Variants in DIS3L2 observed in about 807,000 individuals in gnomAD.
DIS3L2 encodes DIS3-like exonuclease 2.
A neutral mutation model predicts 97.5 loss-of-function variants in DIS3L2; 34 were observed. The ratio of observed to expected loss-of-function variants is 0.35; its 90% confidence interval spans 0.27 to 0.46. The LOEUF is 0.46. Ranked by LOEUF, DIS3L2 falls within the 20% of genes least tolerant of loss-of-function variation. The probability of loss-of-function intolerance (pLI) is 1.00; values close to 1 mark genes in which losing one functional copy is unlikely to be tolerated. For missense variants in DIS3L2, 1,038 were observed against 1,146.0 expected, an observed-to-expected ratio of 0.91 and a Z score of 1.36; for synonymous variants, 435 against 445.2, an observed-to-expected ratio of 0.98 and a Z score of 0.29.
chr2:232,275,811 C>G lies in DIS3L2; in HGVS notation c.1659+12371C>G, dbSNP rs186019819. Among the ~76,000 whole-genome samples the G allele has an allele frequency of 3.9e-5, 6 of 152,296 alleles. No individual in the cohort carries two copies. In the East Asian group the frequency reaches 1.2e-3, roughly 29 times the overall value. Reference sequence around the variant, plus strand: ...TGGTCACAGCACTCAGAGTGGCTTACTGTCTCCTGGAAGACGTAGAGGCAG... The same window carrying G: ...TGGTCACAGCACTCAGAGTGGCTTAGTGTCTCCTGGAAGACGTAGAGGCAG... On this transcript the variant is annotated intron_variant, in intron 13 of 20. Coordinates refer to ENST00000325385, the MANE Select transcript of DIS3L2 (RefSeq NM_152383.5).
chr2:232,060,316 A>G (rs1031573920), intron 5 of DIS3L2, among the ~76,000 whole-genome samples: 9 of 152,038 alleles, frequency 5.9e-5, no homozygotes, highest in Non-Finnish European at 1.3e-4. Flanking sequence ...GCCCACTCCA[A>G]TGTCTTGGAG....
chr2:232,205,945 T>C (rs1357711547), intron 9 of DIS3L2, among the ~76,000 whole-genome samples: 1 of 152,172 alleles, frequency 6.6e-6, no homozygotes, highest in Admixed American at 6.5e-5. Flanking sequence ...GGATACTACA[T>C]GGTCAAATGG....
chr2:232,135,531 T>C (rs1698331779), intron 7 of DIS3L2, among the ~76,000 whole-genome samples: 2 of 152,152 alleles, frequency 1.3e-5, no homozygotes. Context: ...AATAGCTGTT[T>C]TTCAGGGAAG....
chr2:232,165,029 A>T (rs748705389), intron 9 of DIS3L2, among the ~76,000 whole-genome samples: 10 of 152,226 alleles, frequency 6.6e-5, no homozygotes, highest in Non-Finnish European at 1.5e-4. Context: ...GTATCTATCA[A>T]CATTTTAAAT....
At chr2:232,310,242 G>A (rs192617370) in intron 14 of DIS3L2, among the ~76,000 whole-genome samples, 1 of 152,208 alleles carries the variant, frequency 6.6e-6, no homozygotes, top group Non-Finnish European at 1.5e-5. Flanking sequence ...AATCAAGAGA[G>A]AGGAGGGGCT....
intron 14 of DIS3L2, among the ~76,000 whole-genome samples, chr2:232,304,914 A>G (rs1054154974): frequency 7.2e-5 from 11 of 152,104 alleles, no homozygotes; most frequent in Non-Finnish European, 2.9e-5. Context: ...ACTTGTTAGA[A>G]ACCATCTTAT....
chr2:232,061,647 C>T lies in DIS3L2; in HGVS notation c.367-25840C>T, dbSNP rs185443572. On this transcript the variant is annotated intron_variant, in intron 5 of 20. Transcript: ENST00000325385. ...TTATATGTGGCAGCCAGTCTAGCCT[C>T]AGAGTTGGCAATACCTTCCTCTATT... Among the ~76,000 whole-genome samples, 512 of 152,310 alleles carry T rather than the reference C, an allele frequency of 3.4e-3. 1 individual carries two copies. The highest frequency in any genetic ancestry group is 5.0e-3 in the Non-Finnish European group (342 of 68,028).
chr2:232,332,802 G>GT (rs1695779423), intron 16 of DIS3L2, among the ~76,000 whole-genome samples: 1 of 152,230 alleles, frequency 6.6e-6, no homozygotes, highest in African/African-American at 2.4e-5. Context: ...GAGCACAGAG[G>GT]TGCCCGGGTG....
intron 5 of DIS3L2, among the ~76,000 whole-genome samples, chr2:232,039,237 C>T (rs764052927): frequency 1.1e-4 from 16 of 152,106 alleles, no homozygotes; most frequent in Non-Finnish European, 2.1e-4. Flanking sequence ...GTGACAGGGT[C>T]AAAGTAGGGA....
At chr2:232,204,179 A>G (rs1283180379) in intron 9 of DIS3L2, among the ~76,000 whole-genome samples, 1 of 152,138 alleles carries the variant, frequency 6.6e-6, no homozygotes. Context: ...GTGAATAATG[A>G]CAAAGTGGTG....
intron 1 of DIS3L2, among the ~76,000 whole-genome samples, chr2:232,007,358 T>C (rs929108737): frequency 4.6e-5 from 7 of 152,120 alleles, no homozygotes; most frequent in African/African-American, 1.7e-4. Context: ...AAGAGTGAGG[T>C]TGATACTTCC....
chr2:232,067,692 T>C (rs1189097349), intron 5 of DIS3L2, among the ~76,000 whole-genome samples: 1 of 152,228 alleles, frequency 6.6e-6, no homozygotes, highest in African/African-American at 2.4e-5. Context: ...GTTTTTGTCT[T>C]ACTTTATTTA....
chr2:231,988,726 C>T (rs976295724), intron 1 of DIS3L2, among the ~76,000 whole-genome samples: 7 of 152,138 alleles, frequency 4.6e-5, no homozygotes, highest in Middle Eastern at 3.4e-3. Context: ...TGTTTGCAGC[C>T]GCAGTCCTGA....
chr2:232,217,943 A>G (rs781000952), intron 10 of DIS3L2, among the ~76,000 whole-genome samples: 7 of 152,086 alleles, frequency 4.6e-5, no homozygotes, highest in Non-Finnish European at 8.8e-5. Flanking sequence ...GAATGGAGAA[A>G]CCCAGCAAGG....
rs1694632891 is a variant in DIS3L2 at position 232,292,658 on chromosome 2, T to C, written c.1660-7382T>C. On this transcript the variant is annotated intron_variant, in intron 13 of 20. Transcript: ENST00000325385. This position sits in a 1 kb window ranked among gnomAD's most constrained non-coding sequence, Gnocchi z 4.4. ...AGGGGACCCAGTGGTAGTCTCATGC[T>C]CTGGCCGCCTGGAGCCTGCCCTCCT... Among the ~76,000 whole-genome samples the C allele has an allele frequency of 6.6e-6, 1 of 152,208 alleles. No homozygotes were observed. Among genetic ancestry groups the C allele is most frequent in the Non-Finnish European group, 1.5e-5 (1 of 68,030 alleles).
At chr2:232,330,646 G>C (rs372022929) in intron 15 of DIS3L2, 44 bp from the exon 16 acceptor site, 87 of 1,601,190 alleles carry the variant, frequency 5.4e-5, no homozygotes, top group Non-Finnish European at 6.6e-5. Flanking sequence ...GTCTCTGCCC[G>C]AGCTGGACCA....
chr2:232,187,277 T>G (rs982200388), intron 9 of DIS3L2, among the ~76,000 whole-genome samples: 3 of 152,008 alleles, frequency 2.0e-5, no homozygotes, highest in Admixed American at 2.0e-4. Context: ...GAGGATGTAG[T>G]GAAATTGGAA....
intron 9 of DIS3L2, among the ~76,000 whole-genome samples, chr2:232,166,641 G>A (rs138122084): frequency 0.046 from 6,927 of 151,540 alleles, 521 homozygotes; most frequent in African/African-American, 0.16. Flanking sequence ...GCTTGAACCC[G>A]GGAGGCGGAG....
intron 9 of DIS3L2, among the ~76,000 whole-genome samples, chr2:232,199,691 C>CT (rs1484380469): frequency 6.6e-6 from 1 of 151,984 alleles, no homozygotes; most frequent in African/African-American, 2.4e-5. Context: ...AAAAATGTAT[C>CT]TATCTATATA....
Sources: allele counts gnomAD v4.1 joint callset (sites outside exome capture counted in the v4.1 genomes callset), GRCh38; gene constraint gnomAD v4.1.1; non-coding constraint Gnocchi (gnomAD v3.1); transcripts MANE v1.5; gene names NCBI Gene and HGNC (gene_info 2026-07-23, HGNC 2026-07-21).